The following ADCY4 variants were observed in gnomAD, a reference collection of about 807,000 sequenced individuals.
ADCY4 encodes adenylate cyclase 4.
Under a neutral mutation model 125.5 loss-of-function variants are expected in ADCY4, and 111 were observed. The ratio of observed to expected loss-of-function variants is 0.88; its 90% CI spans 0.76 to 1.04. The LOEUF (loss-of-function observed/expected upper bound fraction) is 1.04. Among genes scored for constraint, ADCY4 ranks in the 50% least tolerant of loss-of-function variants. ADCY4 has a pLI of 0.00. For missense variants in ADCY4, 1,256 were observed against 1,382.9 expected (o/e 0.91, Z 1.46); for synonymous variants, 576 against 586.9 (o/e 0.98, Z 0.27).
At chr14:24,332,388 G>A in intron 3 of ADCY4, 134 bp downstream of exon 3, 2 of 1,060,452 alleles carry the variant, frequency 1.9e-6, no homozygotes, top group East Asian at 2.6e-5. Flanking sequence ...CCAGCTCTGC[G>A]AAAGCACGGT....
chr14:24,334,527 C>T lies in ADCY4; in HGVS notation c.126G>A (p.Ala42=). 6.3e-7 allele frequency: 1 copy of T among 1,582,968 alleles called. No individual in the cohort carries two copies. The change falls in exon 1 of 25, where the codon GCG becomes GCA. Residue 42 remains alanine, a synonymous_variant. Transcript: ENST00000418030. The part of the protein sequence containing the change: ...LLLGIVLCAL[A]ALLAVAWASG... The stretch of plus-strand genomic sequence containing the variant: ...TGGCCCAGGCCACTGCGAGCAGCGC[C>T]GCGAGCGCACAGAGCACGATCCCCA...
intron 10 of ADCY4, among the ~76,000 whole-genome samples, chr14:24,328,239 G>T (rs1244036235): frequency 7.1e-6 from 1 of 140,932 alleles, no homozygotes; most frequent in Non-Finnish European, 1.5e-5. Flanking sequence ...GGTGGGGGGG[G>T]GGGTCTCCCT....
At chr14:24,321,386 A>G (rs1053241459) in intron 20 of ADCY4, among the ~76,000 whole-genome samples, 13 of 151,564 alleles carry the variant, frequency 8.6e-5, no homozygotes, top group African/African-American at 2.4e-4. Context: ...GTGCCATTAC[A>G]TGCACTCCAG....
chr14:24,330,256 A>T lies in ADCY4; in HGVS notation c.970T>A (p.Tyr324Asn). Residue 324 changes from tyrosine to asparagine, a missense_variant, in exon 7 of 25, where the codon TAC becomes AAC. Physicochemically the swap from Tyr to Asn is moderately radical, Grantham distance 143. Coordinates refer to ENST00000418030, the MANE Select transcript of ADCY4 (RefSeq NM_001198568.2). ...CMRIKILGDC[Y>N]YCVSGLPLSL... Reference sequence around the variant, plus strand: ...AGTGGCAGCCCAGAGACACAGTAGTAACAGTCCCCCAGGATCTTGATCCGC... The same window carrying T: ...AGTGGCAGCCCAGAGACACAGTAGTTACAGTCCCCCAGGATCTTGATCCGC... 6.2e-7 allele frequency: 1 copy of T among 1,614,192 alleles called. No individual in the cohort carries two copies. Among genetic ancestry groups the T allele is most frequent in the East Asian group, 2.2e-5 (1 of 44,872 alleles).
intron 10 of ADCY4, among the ~76,000 whole-genome samples, chr14:24,328,321 C>T (rs1378897191): frequency 6.6e-6 from 1 of 152,154 alleles, no homozygotes; most frequent in Non-Finnish European, 1.5e-5. Context: ...GTCAGGCTCA[C>T]CCACAGTTAT....
chr14:24,327,369 G>A (rs777680840), intron 10 of ADCY4, among the ~76,000 whole-genome samples: 10 of 152,060 alleles, frequency 6.6e-5, no homozygotes, highest in Non-Finnish European at 1.3e-4. Context: ...CATGGGCCCC[G>A]GCAGGCATTC....
At position 24,322,638 on chromosome 14, in the gene ADCY4, C is replaced by A. The variant is rs746450244; in HGVS notation, c.2413G>T (p.Val805Phe). ...GGGTGACTTACCTGGCGAGCCAGGA[C>A]AAGGAGGGTGAAGAAGAAGATGAAG... ...SFFIFFFTLLVLARQNEYYCR... is the reference protein window; with the variant it reads ...SFFIFFFTLLFLARQNEYYCR... The change falls in exon 19 of 25, where the codon GTC (valine) becomes TTC (phenylalanine). Residue 805 changes from valine (V) to phenylalanine (F), a missense_variant. Transcript: ENST00000418030. 6.2e-7 allele frequency: 1 copy of A among 1,614,006 alleles called. No individual in the cohort carries two copies. The highest frequency in any genetic ancestry group is 8.5e-7 in the Non-Finnish European group (1 of 1,180,018).
rs1301636849 is a variant in ADCY4 at position 24,325,888 on chromosome 14, C to G, written c.1656-1G>C. On this transcript the variant is annotated splice_acceptor_variant, in intron 12 of 24. Transcript: ENST00000418030. LOFTEE classifies it high-confidence loss of function. ...GAAGTCCTTCGACTGCTTCCACTGT[C>G]TGGTGGGAGGTGGGAGGGTGGGTGA... 2 of 1,588,632 alleles carry G rather than the reference C, an allele frequency of 1.3e-6. No individual in the cohort carries two copies.
At chr14:24,331,431 G>C in intron 4 of ADCY4, 75 bp from the exon 5 acceptor site, 2 of 1,585,160 alleles carry the variant, frequency 1.3e-6, no homozygotes, top group South Asian at 2.3e-5. Context: ...AATCACTCAG[G>C]AGCCCACACT....
rs747072170 is a variant in ADCY4, at chr14:24,332,784, C to T, written c.357+7G>A. 2.7e-5 allele frequency: 41 copies of T among 1,544,816 alleles called. No homozygotes were observed. The highest frequency in any genetic ancestry group is 3.6e-5 in the Non-Finnish European group (41 of 1,140,952). The stretch of plus-strand genomic sequence containing the variant: ...GTCCCCGCTGCCCCGCCTGCCGCCC[C>T]TCTCACCTGGTCCCAGGCGCTCACC... On this transcript the variant is annotated splice_region_variant and intron_variant, in intron 2 of 24. Coordinates refer to ENST00000418030, the MANE Select transcript of ADCY4 (RefSeq NM_001198568.2).
intron 20 of ADCY4, among the ~76,000 whole-genome samples, chr14:24,321,136 C>A (rs959204843): frequency 1.4e-4 from 20 of 147,336 alleles, no homozygotes; most frequent in African/African-American, 4.8e-4. Context: ...TACTTTTAGG[C>A]CGGGTGCGGT....
At chr14:24,329,351 G>A (rs2042002498) in intron 9 of ADCY4, 50 bp downstream of exon 9, 2 of 1,550,210 alleles carry the variant, frequency 1.3e-6, no homozygotes, top group Non-Finnish European at 1.7e-6. Flanking sequence ...CCTGTTGGCT[G>A]TGGGGTGGTT....
At position 24,319,955 on chromosome 14, in the gene ADCY4, G is replaced by T; in HGVS notation, c.2587-67C>A. The T allele has an allele frequency of 6.4e-7, 1 of 1,562,548 alleles. No individual in the cohort carries two copies. ...TCCTCTCCCTTCTAGAGGTCTGCGTGGGGCCCTCCTCCCCATGTCCACACT... is the reference window on the plus strand; with the variant it reads ...TCCTCTCCCTTCTAGAGGTCTGCGTTGGGCCCTCCTCCCCATGTCCACACT... On this transcript the variant is annotated intron_variant, in intron 20 of 24. Transcript: ENST00000418030. The surrounding 1 kb of genome is among the most constrained non-coding windows in gnomAD (Gnocchi z 4.5).
chr14:24,318,413 A>G lies in ADCY4; in HGVS notation c.*3T>C, dbSNP rs1389927188. 1 of 1,613,792 alleles carries G rather than the reference A, an allele frequency of 6.2e-7. No individual in the cohort carries two copies. The highest frequency in any genetic ancestry group is 8.5e-7 in the Non-Finnish European group (1 of 1,179,790). On this transcript the variant is annotated 3_prime_UTR_variant, in exon 25 of 25. Transcript: ENST00000418030. Reference sequence around the variant, plus strand: ...TTGAGGTTCTTAGAAGGCGAGTGCAATCTCAGCCTAGGGTAGCTGAAGGAG... The same window carrying G: ...TTGAGGTTCTTAGAAGGCGAGTGCAGTCTCAGCCTAGGGTAGCTGAAGGAG...
At chr14:24,322,516 C>T in intron 19 of ADCY4, 108 bp downstream of exon 19, 1 of 1,227,600 alleles carries the variant, frequency 8.1e-7, no homozygotes, top group Non-Finnish European at 1.2e-6. Context: ...GGAAGGCTCG[C>T]TTAGAAGCTT....
At position 24,322,331 on chromosome 14, in the gene ADCY4, C is replaced by T. The variant is rs116115383; in HGVS notation, c.2428-107G>A. The T allele has an allele frequency of 8.7e-4, 1,143 of 1,314,024 alleles. 14 individuals carry two copies. The African/African-American group carries it at 0.015, about 18-fold the overall frequency. 81.4% of individuals were successfully genotyped at this position (1,314,024 alleles called of 1,614,324 possible). On this transcript the variant is annotated intron_variant, in intron 19 of 24. Transcript: ENST00000418030. ...TGCCTGAAACCACCCCCACCCCACC[C>T]CCAGTTTAGAAGTAGAGCTTAAGGT...
chr14:24,321,907 A>G, intron 20 of ADCY4, 159 bp downstream of exon 20: 1 of 1,376,020 alleles, frequency 7.3e-7, no homozygotes, highest in Non-Finnish European at 9.4e-7. Context: ...CACCAAAGAA[A>G]GAATCTAAGA....
At position 24,319,037 on chromosome 14, in the gene ADCY4, G is replaced by T; in HGVS notation, c.2956+61C>A. ...GGGAGCAGCTAACAAAGGACTTGGA[G>T]TGGGGCAAGCTCAGGAAGGTGAGGA... On this transcript the variant is annotated intron_variant, in intron 23 of 24. Coordinates refer to ENST00000418030, the MANE Select transcript of ADCY4 (RefSeq NM_001198568.2). The surrounding 1 kb of genome is among the most constrained non-coding windows in gnomAD (Gnocchi z 4.5). 2.0e-5 allele frequency: 31 copies of T among 1,581,660 alleles called. No homozygotes were observed. Among genetic ancestry groups the T allele is most frequent in the Non-Finnish European group, 2.7e-5 (31 of 1,153,158 alleles).
chr14:24,333,924 G>A (rs1305850019), intron 1 of ADCY4, among the ~76,000 whole-genome samples: 1 of 152,232 alleles, frequency 6.6e-6, no homozygotes, highest in Non-Finnish European at 1.5e-5. Flanking sequence ...CCGGATTTAG[G>A]CGTGGACCAG....
Sources: allele counts gnomAD v4.1 joint callset (sites outside exome capture counted in the v4.1 genomes callset), GRCh38; gene constraint gnomAD v4.1.1; non-coding constraint Gnocchi (gnomAD v3.1); transcripts MANE v1.5; gene names NCBI Gene and HGNC (gene_info 2026-07-23, HGNC 2026-07-21).